The following ROBO2 variants were observed in gnomAD, a reference collection of about 807,000 sequenced individuals.
ROBO2 encodes roundabout guidance receptor 2, also known as roundabout homolog 2.
Under a neutral mutation model 160.8 loss-of-function variants are expected in ROBO2, and 53 were observed. That is an observed-to-expected ratio of 0.33 (90% confidence interval 0.26 to 0.41). ROBO2 has a LOEUF of 0.41. Ranked by LOEUF, ROBO2 falls within the 10% of genes least tolerant of loss-of-function variation. The probability of loss-of-function intolerance (pLI) is 1.00; values close to 1 mark genes in which losing one functional copy is unlikely to be tolerated. For synonymous variants in ROBO2, 664 were observed against 611.7 expected, an observed-to-expected ratio of 1.09 and a Z score of -1.26; for missense variants, 1,577 against 1,722.4, an observed-to-expected ratio of 0.92 and a Z score of 1.49.
At chr3:77,578,254 A>G (rs1252411524) in intron 15 of ROBO2, among the ~76,000 whole-genome samples, 2 of 152,154 alleles carry the variant, frequency 1.3e-5, no homozygotes, top group Admixed American at 1.3e-4. Context: ...TAAAGTAGAA[A>G]GTATGTCTAC....
intron 2 of ROBO2, among the ~76,000 whole-genome samples, chr3:76,389,004 T>C (rs1421234632): frequency 1.3e-5 from 2 of 152,172 alleles, no homozygotes; most frequent in African/African-American, 4.8e-5. Context: ...ATTGAAACTG[T>C]CTTCAAAAAC....
chr3:77,622,546 T>TCCG, intron 23 of ROBO2, 114 bp downstream of exon 24: 1 of 900,796 alleles, frequency 1.1e-6, no homozygotes, highest in Admixed American at 2.1e-5. Flanking sequence ...TTCTGTAACA[T>TCCG]TTTAAATGTG....
intron 2 of ROBO2, among the ~76,000 whole-genome samples, chr3:77,390,532 A>G (rs2074614944): frequency 1.3e-5 from 2 of 152,254 alleles, no homozygotes; most frequent in Admixed American, 6.5e-5. Flanking sequence ...CTGCCACCAT[A>G]TAAGGTATCC....
intron 2 of ROBO2, among the ~76,000 whole-genome samples, chr3:77,289,887 A>T (rs1371773662): frequency 6.6e-6 from 1 of 151,074 alleles, no homozygotes; most frequent in Non-Finnish European, 1.5e-5. Context: ...GTAAAACGGG[A>T]AGTTGAGCCT....
chr3:77,134,169 T>G (rs1205258285), intron 2 of ROBO2, among the ~76,000 whole-genome samples: 1 of 151,366 alleles, frequency 6.6e-6, no homozygotes, highest in Non-Finnish European at 1.5e-5. Context: ...AGAGTGAAAC[T>G]TTGGCTCAAA....
At chr3:76,585,088 C>T (rs1050848248) in intron 2 of ROBO2, among the ~76,000 whole-genome samples, 3 of 152,166 alleles carry the variant, frequency 2.0e-5, no homozygotes, top group South Asian at 2.1e-4. Context: ...CGCTAGCAAT[C>T]ATGTAGTGCC....
chr3:76,798,300 GAAAGAAAGAAAGAAAA>G (rs1560581017), intron 2 of ROBO2, among the ~76,000 whole-genome samples: 8 of 149,280 alleles, frequency 5.4e-5, no homozygotes, highest in African/African-American at 1.7e-4. Context: ...AAGAAAGAAA[GAAAGAAAGAAAGAAAA>G]AAGAACGAAT....
chr3:75,980,194 T>G (rs1476917104), intron 2 of ROBO2, among the ~76,000 whole-genome samples: 2 of 151,530 alleles, frequency 1.3e-5, no homozygotes, highest in Non-Finnish European at 3.0e-5. Flanking sequence ...TTTCTCTTAT[T>G]AAGTGAATCC....
At chr3:75,930,975 G>A (rs1054637901) in intron 1 of ROBO2, among the ~76,000 whole-genome samples, 6 of 152,042 alleles carry the variant, frequency 3.9e-5, no homozygotes, top group African/African-American at 7.2e-5. Context: ...ATCTCTTAAC[G>A]TGTCTTTCAG....
intron 2 of ROBO2, among the ~76,000 whole-genome samples, chr3:77,219,513 A>ATATC: frequency 7.2e-6 from 1 of 138,024 alleles, no homozygotes; most frequent in South Asian, 2.3e-4. Flanking sequence ...ATATATATAT[A>ATATC]TCTGTGTGTG....
chr3:76,867,980 T>A (rs758810768), intron 2 of ROBO2, among the ~76,000 whole-genome samples: 3 of 152,192 alleles, frequency 2.0e-5, no homozygotes, highest in Non-Finnish European at 4.4e-5. Flanking sequence ...CACTGAGGGC[T>A]TAGCATTGTT....
At chr3:76,398,723 A>G (rs1306257466) in intron 2 of ROBO2, among the ~76,000 whole-genome samples, 5 of 151,816 alleles carry the variant, frequency 3.3e-5, no homozygotes, top group Non-Finnish European at 5.9e-5. Flanking sequence ...TCTAAACTAA[A>G]TATACTATTA....
chr3:76,687,471 G>T (rs1245704902), intron 2 of ROBO2, among the ~76,000 whole-genome samples: 1 of 151,988 alleles, frequency 6.6e-6, no homozygotes, highest in Non-Finnish European at 1.5e-5. Context: ...GGGCCTTAAA[G>T]ATGACAGTCA....
intron 2 of ROBO2, among the ~76,000 whole-genome samples, chr3:76,223,393 G>A (rs952111444): frequency 5.6e-4 from 85 of 151,970 alleles, no homozygotes; most frequent in African/African-American, 1.9e-3. Flanking sequence ...AGGTAGGGGG[G>A]TAGGGAGGCC....
chr3:76,100,125 A>G (rs1462126441), intron 2 of ROBO2, among the ~76,000 whole-genome samples: 4 of 152,124 alleles, frequency 2.6e-5, no homozygotes, highest in Non-Finnish European at 5.9e-5. Context: ...TTTATCATTC[A>G]ATTCCTTGGA....
chr3:76,448,379 G>A (rs960000416), intron 2 of ROBO2, among the ~76,000 whole-genome samples: 2 of 152,116 alleles, frequency 1.3e-5, no homozygotes, highest in Admixed American at 1.3e-4. Flanking sequence ...AATATCAGCA[G>A]TGTTCTCATG....
intron 2 of ROBO2, among the ~76,000 whole-genome samples, chr3:76,656,121 T>C (rs954946043): frequency 6.6e-6 from 1 of 152,142 alleles, no homozygotes; most frequent in South Asian, 2.1e-4. Context: ...TAGAAAAATG[T>C]ATATAATAAG....
chr3:77,110,866 G>A (rs551523518), intron 2 of ROBO2, among the ~76,000 whole-genome samples: 3 of 151,942 alleles, frequency 2.0e-5, no homozygotes, highest in Non-Finnish European at 2.9e-5. Flanking sequence ...GCCAATTTTT[G>A]TACTTTTTGT....
rs2068569144 is a variant in ROBO2, at chr3:76,844,204, AT to A, written c.110-253809del. ...TGCAACGTCATTTGCAATTGAGTAA[AT>A]ATGAGTTGGTTTTGATGCAACTGGT... On this transcript the variant is annotated intron_variant, in intron 2 of 26. Transcript: ENST00000487694. Among the ~76,000 whole-genome samples, 3 of 152,100 alleles carry A rather than the reference AT, an allele frequency of 2.0e-5. No individual in the cohort carries two copies. In the South Asian group the frequency reaches 6.2e-4, roughly 32 times the overall value.
Sources: gnomAD v4.1 joint callset for allele counts (sites outside exome capture counted in the v4.1 genomes callset) on GRCh38, gnomAD v4.1.1 for gene constraint, MANE v1.5 for transcripts, NCBI Gene and HGNC (gene_info 2026-07-23, HGNC 2026-07-21) for gene names.